AHNAK2: variants seen among roughly 807,000 people sequenced by gnomAD.
AHNAK2 encodes the protein AHNAK nucleoprotein 2.
AHNAK2 carries 18 observed loss-of-function variants against 30.7 expected under a neutral mutation model. The ratio of observed to expected loss-of-function variants is 0.59; its 90% CI spans 0.41 to 0.87. AHNAK2 has a LOEUF of 0.87. AHNAK2 is among the 40% of genes least tolerant of loss of function. The pLI is 0.00. For missense variants in AHNAK2, 8,604 were observed against 7,373.0 expected (o/e 1.17, Z -6.11); for synonymous variants, 3,590 against 3,073.8 (o/e 1.17, Z -5.56).
Position 104,954,630 on chromosome 14 carries a change from C to A in AHNAK2, c.821G>T (p.Gly274Val). 3 of 1,612,538 alleles carry A rather than the reference C, an allele frequency of 1.9e-6. No individual in the cohort carries two copies. Among genetic ancestry groups the A allele is most frequent in the Non-Finnish European group, 2.5e-6 (3 of 1,179,616 alleles). Reference protein sequence around the residue: ...FQSIKSKRGPGPQRSHSSSEA... With the variant: ...FQSIKSKRGPVPQRSHSSSEA... ...TGACGAGCTGTGTGACCTCTGGGGT[C>A]CCGGCCCCCGCTTGCTCTTTATGGA... The change falls in exon 7 of 7, where the codon GGA (glycine) becomes GTA (valine). Residue 274 changes from glycine to valine, a missense_variant. Transcript: ENST00000333244. This position sits in a 1 kb window ranked among gnomAD's most constrained non-coding sequence, Gnocchi z 4.3.
At chr14:104,959,856 T>C (rs1899087004) in intron 1 of AHNAK2, among the ~76,000 whole-genome samples, 1 of 152,288 alleles carries the variant, frequency 6.6e-6, no homozygotes, top group Admixed American at 6.5e-5. Flanking sequence ...ACTCTATGAA[T>C]ATATATTGTC....
Position 104,951,752 on chromosome 14 carries a change from C to T in AHNAK2, c.3699G>A (p.Glu1233=), listed in dbSNP as rs2140858743. ...HAGQVDVKLL[E]GHVPEGAGFK... is the part of the protein sequence containing the mutation. The stretch of plus-strand genomic sequence containing the variant: ...AGCCGGCTCCCTCAGGCACGTGGCC[C>T]TCCAGGAGCTTCACGTCCACCTGGC... Residue 1233 remains glutamate, a synonymous_variant, in exon 7 of 7, where the codon GAG becomes GAA. Coordinates refer to ENST00000333244, the MANE Select transcript of AHNAK2 (RefSeq NM_138420.4). 7.8e-7 allele frequency: 1 copy of T among 1,283,920 alleles called. No individual in the cohort carries two copies. The highest frequency in any genetic ancestry group is 1.8e-5 in the Admixed American group (1 of 54,504). 79.5% of individuals were successfully genotyped at this position (1,283,920 alleles called of 1,614,324 possible).
At chr14:104,959,821 G>T (rs1263909733) in intron 1 of AHNAK2, among the ~76,000 whole-genome samples, 1 of 152,128 alleles carries the variant, frequency 6.6e-6, no homozygotes, top group Non-Finnish European at 1.5e-5. Flanking sequence ...GCAGAAAATG[G>T]TAACTATGCA....
At chr14:104,967,461 T>A (rs549540201) in intron 1 of AHNAK2, among the ~76,000 whole-genome samples, 1 of 152,112 alleles carries the variant, frequency 6.6e-6, no homozygotes, top group African/African-American at 2.4e-5. Context: ...AGGGAGGGTG[T>A]CGACAGCAAG....
At chr14:104,977,740 G>A (rs992973240) in intron 1 of AHNAK2, among the ~76,000 whole-genome samples, 1 of 152,158 alleles carries the variant, frequency 6.6e-6, no homozygotes, top group Non-Finnish European at 1.5e-5. Flanking sequence ...CCGGGTCCCG[G>A]CGGCCCCGGC....
intron 3 of AHNAK2, 84 bp downstream of exon 3, chr14:104,957,326 T>C (rs60806965): frequency 0.033 from 42,700 of 1,306,486 alleles, 871 homozygotes; most frequent in African/African-American, 0.078. Flanking sequence ...GGCAGCAAGG[T>C]TGAACAGACA....
intron 3 of AHNAK2, 81 bp from the exon 4 acceptor site, chr14:104,956,770 A>G: frequency 7.3e-7 from 1 of 1,367,586 alleles, no homozygotes; most frequent in South Asian, 1.2e-5. Flanking sequence ...GTGCCAGACC[A>G]GGAGCCCTCC....
chr14:104,966,686 C>T lies in AHNAK2; in HGVS notation c.56-9014G>A, dbSNP rs573682537. On this transcript the variant is annotated intron_variant, in intron 1 of 6. Transcript: ENST00000333244. The surrounding 1 kb of genome is among the most constrained non-coding windows in gnomAD (Gnocchi z 4.3). ...CAGGGCTCCCCAGTGCACCCCACAA[C>T]CCTGAGGGACCACCAGCTGGGGCCA... 6.6e-6 allele frequency among the ~76,000 whole-genome samples: 1 copy of T among 152,304 alleles called. No homozygotes were observed. Among genetic ancestry groups the T allele is most frequent in the Non-Finnish European group, 1.5e-5 (1 of 68,032 alleles).
rs759080095 is a variant in AHNAK2 at position 104,946,873 on chromosome 14, C to A, written c.8578G>T (p.Asp2860Tyr). 1 of 1,612,652 alleles carries A rather than the reference C, an allele frequency of 6.2e-7. No homozygotes were observed. Among genetic ancestry groups the A allele is most frequent in the South Asian group, 1.1e-5 (1 of 91,040 alleles). ...PSMQGDLKTT[D>Y]IRIQPPSAQL... ...GCGGAGGGGGGCTGAATGCGGATGT[C>A]AGTGGTCTTAAGATCCCCTTGCATG... The change falls in exon 7 of 7, where the codon GAC becomes TAC. Residue 2860 changes from aspartate to tyrosine, a missense_variant. Transcript: ENST00000333244.
chr14:104,942,094 C>A lies in AHNAK2; in HGVS notation c.13357G>T (p.Asp4453Tyr). 6.2e-7 allele frequency: 1 copy of A among 1,607,648 alleles called. No homozygotes were observed. The highest frequency in any genetic ancestry group is 8.5e-7 in the Non-Finnish European group (1 of 1,177,274). ...CTGTCTTTGGCAGTCACGTCCTTGT[C>A]AGCCAGGGACAGGTCCCCCTCCAGC... ...TRLEGDLSLA[D>Y]KDVTAKDSKF... Residue 4453 changes from aspartate to tyrosine, a missense_variant, in exon 7 of 7, where the codon GAC (aspartate) becomes TAC (tyrosine). Transcript: ENST00000333244.
At chr14:104,961,796 G>C (rs1899157064) in intron 1 of AHNAK2, among the ~76,000 whole-genome samples, 3 of 152,034 alleles carry the variant, frequency 2.0e-5, no homozygotes, top group Admixed American at 6.6e-5. Context: ...AACACAGTGA[G>C]ACCTCATCTT....
chr14:104,942,750 G>T lies in AHNAK2; in HGVS notation c.12701C>A (p.Pro4234His). Residue 4234 changes from proline (P) to histidine (H), a missense_variant, in exon 7 of 7, where the codon CCC becomes CAC. Transcript: ENST00000333244. ...CTTGGGGCCCTTGACATCCACCTGG[G>T]GGCCCTTGAGGGCCACTTTGGGCAT... is the stretch of plus-strand genomic sequence containing the variant. ...LKMPKVALKGPQVDVKGPKLD... is the reference protein window; with the variant it reads ...LKMPKVALKGHQVDVKGPKLD... 6.2e-7 allele frequency: 1 copy of T among 1,613,078 alleles called. No homozygotes were observed. Among genetic ancestry groups the T allele is most frequent in the African/African-American group, 1.3e-5 (1 of 74,872 alleles).
Position 104,950,041 on chromosome 14 carries a change from G to C in AHNAK2, c.5410C>G (p.Arg1804Gly). 1 of 1,586,594 alleles carries C rather than the reference G, an allele frequency of 6.3e-7. No homozygotes were observed. Among genetic ancestry groups the C allele is most frequent in the Non-Finnish European group, 8.6e-7 (1 of 1,163,000 alleles). ...EAPGAKLDSV[R>G]LEGDLSLADK... The stretch of plus-strand genomic sequence containing the variant: ...GCCAGGGACAGGTCACCCTCCAGCC[G>C]CACACTGTCCAGCTTGGCTCCTGGA... The change falls in exon 7 of 7, where the codon CGG becomes GGG. Residue 1804 changes from arginine to glycine, a missense_variant. Arg to Gly is a moderately radical substitution (Grantham distance 125). Transcript: ENST00000333244.
rs149220372 is a variant in AHNAK2, at chr14:104,948,965, C to G, written c.6486G>C (p.Ser2162=). Residue 2162 remains serine, a synonymous_variant, in exon 7 of 7, where the codon TCG becomes TCC. Coordinates refer to ENST00000333244, the MANE Select transcript of AHNAK2 (RefSeq NM_138420.4). ...KFKMPKFKMP[S]FGVSAPGKSI... is the part of the protein sequence containing the mutation. ...ACTTGCCTGGGGCAGACACCCCAAA[C>G]GACGGCATCTTGAACTTGGGCATTT... The G allele has an allele frequency of 8.0e-6, 10 of 1,250,710 alleles. 4 individuals are homozygous for G. Among genetic ancestry groups the G allele is most frequent in the Non-Finnish European group, 1.0e-5 (9 of 882,320 alleles). The allele number at this position is 1,250,710 out of a possible 1,614,324, so 77.5% of individuals were successfully genotyped here.
Position 104,944,136 on chromosome 14 carries a change from T to G in AHNAK2, c.11315A>C (p.Asp3772Ala), listed in dbSNP as rs1257273672. 3 of 1,613,110 alleles carry G rather than the reference T, an allele frequency of 1.9e-6. No homozygotes were observed. Among genetic ancestry groups the G allele is most frequent in the Non-Finnish European group, 2.5e-6 (3 of 1,179,678 alleles). The change falls in exon 7 of 7, where the codon GAC becomes GCC. Residue 3772 changes from aspartate to alanine, a missense_variant. Physicochemically the swap from Asp to Ala is moderately radical, Grantham distance 126. Coordinates refer to ENST00000333244, the MANE Select transcript of AHNAK2 (RefSeq NM_138420.4). ...CAGTTTGGCTCTTGGGGCCTGGACG[T>G]CCACCTCCACGCTGGGCAGAGACAC... ...VEVSLPSVEV[D>A]VQAPRAKLDS...
rs548245770 is a variant in AHNAK2, at chr14:104,951,549, G to C, written c.3902C>G (p.Pro1301Arg). 8.0e-7 allele frequency: 1 copy of C among 1,247,918 alleles called. No individual in the cohort carries two copies. The highest frequency in any genetic ancestry group is 1.1e-6 in the Non-Finnish European group (1 of 881,152). 77.3% of individuals were successfully genotyped at this position (1,247,918 alleles called of 1,614,324 possible). Residue 1301 changes from proline (P) to arginine (R), a missense_variant, in exon 7 of 7, where the codon CCG (proline) becomes CGG (arginine). Pro to Arg is a moderately radical substitution (Grantham distance 103). Coordinates refer to ENST00000333244, the MANE Select transcript of AHNAK2 (RefSeq NM_138420.4). Reference sequence around the variant, plus strand: ...CTGTGCGCCATCCAACTTGGCTCCCGGGGCCTGCATGTCCACCTCCACACT... The same window carrying C: ...CTGTGCGCCATCCAACTTGGCTCCCCGGGCCTGCATGTCCACCTCCACACT... ...LPSVEVDMQA[P>R]GAKLDGAQLD...
intron 1 of AHNAK2, among the ~76,000 whole-genome samples, chr14:104,973,290 C>T (rs1471866122): frequency 3.9e-5 from 6 of 152,212 alleles, no homozygotes; most frequent in Non-Finnish European, 1.5e-5. Flanking sequence ...CATGGGAACT[C>T]GGCTGCTGGC....
At position 104,947,783 on chromosome 14, in the gene AHNAK2, C is replaced by A. The variant is rs763398076; in HGVS notation, c.7668G>T (p.Val2556=). ...GCCCTTTGAGGCCGGCTCCCTCCGG[C>A]ACAGGGCCCTCTGGGAGTTTCACGT... The part of the protein sequence containing the change: ...QVDVKLPEGP[V]PEGAGLKGHL... Residue 2556 remains valine (V), a synonymous_variant, in exon 7 of 7, where the codon GTG becomes GTT. Coordinates refer to ENST00000333244, the MANE Select transcript of AHNAK2 (RefSeq NM_138420.4). 31 of 1,611,878 alleles carry A rather than the reference C, an allele frequency of 1.9e-5. No individual in the cohort carries two copies. The East Asian group carries it at 2.7e-4, about 14-fold the overall frequency.
At chr14:104,962,632 C>T (rs1460887314) in intron 1 of AHNAK2, among the ~76,000 whole-genome samples, 3 of 151,512 alleles carry the variant, frequency 2.0e-5, no homozygotes, top group African/African-American at 7.3e-5. Context: ...GATGGGGTTT[C>T]ACCATGTTGC....
Sources: allele counts gnomAD v4.1 joint callset (sites outside exome capture counted in the v4.1 genomes callset), GRCh38; gene constraint gnomAD v4.1.1; non-coding constraint Gnocchi (gnomAD v3.1); transcripts MANE v1.5; gene names NCBI Gene and HGNC (gene_info 2026-07-23, HGNC 2026-07-21).